Variants in CERS3 observed in about 807,000 individuals in gnomAD.
CERS3 encodes the protein LAG1 homolog, ceramide synthase 3.
CERS3 carries 33 observed loss-of-function variants against 50.3 expected under a neutral mutation model. The ratio of observed to expected loss-of-function variants is 0.66; its 90% CI spans 0.50 to 0.88. CERS3 has a LOEUF of 0.88. Among genes scored for constraint, CERS3 ranks in the 40% least tolerant of loss-of-function variants. CERS3 has a pLI of 0.00. For missense variants in CERS3, 470 were observed against 460.3 expected, an observed-to-expected ratio of 1.02 and a Z score of -0.19; for synonymous variants, 176 against 155.2, an observed-to-expected ratio of 1.13 and a Z score of -0.99.
intron 5 of CERS3, 35 bp downstream of exon 5, chr15:100,484,515 G>C: frequency 7.2e-7 from 1 of 1,395,992 alleles, no homozygotes; most frequent in East Asian, 2.3e-5. Flanking sequence ...CAGATAGGAC[G>C]GCAGCATTCC....
intron 2 of CERS3, among the ~76,000 whole-genome samples, chr15:100,519,864 A>G (rs1316397606): frequency 6.6e-6 from 1 of 152,188 alleles, no homozygotes; most frequent in Non-Finnish European, 1.5e-5. Flanking sequence ...TTAAGTGCCA[A>G]CTGTGTACCA....
intron 2 of CERS3, among the ~76,000 whole-genome samples, chr15:100,516,676 C>G (rs1017849918): frequency 3.3e-5 from 5 of 152,208 alleles, no homozygotes; most frequent in Non-Finnish European, 5.9e-5. Flanking sequence ...AGCCTCCTCC[C>G]CCATTGTGTT....
intron 7 of CERS3, 52 bp from the exon 8 acceptor site, chr15:100,476,230 C>A (rs2035122933): frequency 1.7e-6 from 2 of 1,181,904 alleles, no homozygotes; most frequent in Admixed American, 2.6e-5. Context: ...AGAAGCAACT[C>A]ATTTTAATGC....
At chr15:100,531,015 C>G (rs549850472), upstream of CERS3, among the ~76,000 whole-genome samples, 1 of 152,190 alleles carries the variant, frequency 6.6e-6, no homozygotes, top group South Asian at 2.1e-4. Flanking sequence ...ACCCAGGAGA[C>G]AGAGGTTACA....
intron 10 of CERS3, among the ~76,000 whole-genome samples, chr15:100,467,850 T>TAGATAGATAG (rs1555528324): frequency 0.12 from 10,701 of 93,028 alleles, 760 homozygotes; most frequent in Middle Eastern, 0.18. Flanking sequence ...TATATATATA[T>TAGATAGATAG]ATAGATAGAT....
intron 4 of CERS3, among the ~76,000 whole-genome samples, chr15:100,485,208 C>T (rs1369027020): frequency 4.9e-4 from 75 of 152,198 alleles, no homozygotes; most frequent in Admixed American, 4.9e-3. Context: ...CCAGTGTTAG[C>T]CATCCACTTT....
intron 9 of CERS3, among the ~76,000 whole-genome samples, chr15:100,471,410 T>G (rs1417193590): frequency 6.6e-6 from 1 of 152,076 alleles, no homozygotes; most frequent in African/African-American, 2.4e-5. Context: ...AGTGAAAGGG[T>G]GGGGAGGGTG....
chr15:100,412,580 G>C (rs2031573826), intron 11 of CERS3, among the ~76,000 whole-genome samples: 2 of 152,120 alleles, frequency 1.3e-5, no homozygotes, highest in Non-Finnish European at 2.9e-5. Flanking sequence ...CTTAAAACAT[G>C]ACCTTAAGAT....
At chr15:100,466,867 C>CTCTCTTTCTCTCTTTG (rs2034760554) in intron 10 of CERS3, among the ~76,000 whole-genome samples, 1 of 146,242 alleles carries the variant, frequency 6.8e-6, no homozygotes, top group Non-Finnish European at 1.5e-5. Context: ...TTCTTTCTTT[C>CTCTCTTTCTCTCTTTG]TTTCTTGATG....
intron 1 of CERS3, among the ~76,000 whole-genome samples, chr15:100,523,574 G>A (rs977202926): frequency 1.3e-4 from 19 of 151,866 alleles, no homozygotes; most frequent in African/African-American, 3.9e-4. Flanking sequence ...GGTGGTGGGC[G>A]CCTGTAGTCC....
At chr15:100,452,441 A>C (rs568951599) in intron 11 of CERS3, among the ~76,000 whole-genome samples, 1 of 152,292 alleles carries the variant, frequency 6.6e-6, no homozygotes, top group African/African-American at 2.4e-5. Context: ...GGAAATCAAA[A>C]CATTTCTTGA....
intron 11 of CERS3, among the ~76,000 whole-genome samples, chr15:100,431,220 TA>T (rs2142119879): frequency 6.6e-6 from 1 of 152,356 alleles, no homozygotes; most frequent in South Asian, 2.1e-4. Context: ...TGCTTTCAAA[TA>T]ACTTTGACTT....
intron 10 of CERS3, among the ~76,000 whole-genome samples, chr15:100,461,238 T>C (rs1413252850): frequency 6.6e-6 from 1 of 152,190 alleles, no homozygotes; most frequent in Non-Finnish European, 1.5e-5. Flanking sequence ...CCTTAGTCAC[T>C]GGGTAAAACT....
intron 11 of CERS3, among the ~76,000 whole-genome samples, chr15:100,423,250 C>G (rs1461834630): frequency 1.3e-5 from 2 of 152,102 alleles, no homozygotes; most frequent in African/African-American, 4.8e-5. Context: ...CCATTCAACC[C>G]AGCAATCCTA....
intron 3 of CERS3, among the ~76,000 whole-genome samples, chr15:100,498,507 G>A (rs2035901010): frequency 6.6e-6 from 1 of 152,098 alleles, no homozygotes; most frequent in South Asian, 2.1e-4. Flanking sequence ...AAAAGTCTGA[G>A]AGGAAGAAAA....
At chr15:100,472,510 G>T (rs951627389) in intron 9 of CERS3, among the ~76,000 whole-genome samples, 1 of 152,124 alleles carries the variant, frequency 6.6e-6, no homozygotes, top group Non-Finnish European at 1.5e-5. Context: ...AGGGGAGGGT[G>T]GGGGAGTGTG....
At chr15:100,413,769 ACAAG>A (rs1334326855) in intron 11 of CERS3, among the ~76,000 whole-genome samples, 1 of 85,066 alleles carries the variant, frequency 1.2e-5, no homozygotes, top group African/African-American at 3.6e-5. Context: ...CCACAGAAAT[ACAAG>A]AAAAAAAAAA....
intron 1 of CERS3, among the ~76,000 whole-genome samples, chr15:100,537,498 G>A (rs1279312425): frequency 1.3e-5 from 2 of 152,166 alleles, no homozygotes; most frequent in African/African-American, 4.8e-5. Flanking sequence ...GGAGGCCTCA[G>A]GGGACTTACA....
intron 2 of CERS3, among the ~76,000 whole-genome samples, chr15:100,502,988 A>C (rs2036057897): frequency 6.6e-6 from 1 of 152,376 alleles, no homozygotes; most frequent in Middle Eastern, 3.4e-3. Context: ...CTAAGCAGAC[A>C]AAGTATTCAG....
Sources: allele counts gnomAD v4.1 joint callset (sites outside exome capture counted in the v4.1 genomes callset), GRCh38; gene constraint gnomAD v4.1.1; transcripts MANE v1.5; gene names NCBI Gene and HGNC (gene_info 2026-07-23, HGNC 2026-07-21).